Variants in RREB1 observed in about 807,000 individuals in gnomAD.
RREB1 encodes ras responsive element binding protein 1.
A neutral mutation model predicts 117.8 loss-of-function variants in RREB1; 27 were observed. The ratio of observed to expected loss-of-function variants is 0.23; its 90% CI spans 0.17 to 0.32. The LOEUF is 0.32. RREB1 is among the 10% of genes least tolerant of loss of function. The pLI is 1.00. For missense variants in RREB1, 2,577 were observed against 2,378.2 expected, an observed-to-expected ratio of 1.08 and a Z score of -1.74; for synonymous variants, 1,298 against 1,026.7, an observed-to-expected ratio of 1.26 and a Z score of -5.05.
chr6:7,108,548 A>G (rs1760950725), intron 1 of RREB1: 1 of 151,564 alleles, frequency 6.6e-6, no homozygotes, highest in Non-Finnish European at 1.5e-5. Flanking sequence ...GGCCAGAAAC[A>G]TCTTCCCAGC....
chr6:7,192,059 C>A (rs1261983031), intron 6 of RREB1, among the ~76,000 whole-genome samples: 1 of 89,028 alleles, frequency 1.1e-5, no homozygotes, highest in East Asian at 3.6e-4. Context: ...AAGTTTCTTT[C>A]TTTTCCTAGT....
At chr6:7,170,002 AAG>A (rs1395138034) in intron 1 of RREB1, among the ~76,000 whole-genome samples, 1 of 152,192 alleles carries the variant, frequency 6.6e-6, no homozygotes, top group Non-Finnish European at 1.5e-5. Flanking sequence ...TTTTTAAGAG[AAG>A]CTGCTTCCTG....
intron 1 of RREB1, among the ~76,000 whole-genome samples, chr6:7,169,647 G>A (rs572863500): frequency 2.1e-4 from 32 of 152,248 alleles, no homozygotes; most frequent in African/African-American, 7.5e-4. Context: ...TTAGATCCTG[G>A]CAGGAAGACA....
At chr6:7,212,444 G>A (rs978318819) in intron 8 of RREB1, 5 of 152,150 alleles carry the variant, frequency 3.3e-5, no homozygotes, top group Non-Finnish European at 7.3e-5. Flanking sequence ...TCAGGCAACC[G>A]TTAGTTCTGT....
rs778911018 is a variant in RREB1 at position 7,229,213 on chromosome 6, A to G, written c.1114A>G (p.Thr372Ala). 6 of 1,613,364 alleles carry G rather than the reference A, an allele frequency of 3.7e-6. No individual in the cohort carries two copies. The South Asian group carries it at 5.5e-5, about 15-fold the overall frequency. Reference protein sequence around the residue: ...GFLALLGLQHTKDVRPAPAEE... With the variant: ...GFLALLGLQHAKDVRPAPAEE... Reference sequence around the variant, plus strand: ...CCTGGCCTTGCTTGGCCTGCAGCACACCAAAGACGTCAGGCCTGCCCCCGC... The same window carrying G: ...CCTGGCCTTGCTTGGCCTGCAGCACGCCAAAGACGTCAGGCCTGCCCCCGC... The change falls in exon 10 of 13, where the codon ACC (threonine) becomes GCC (alanine). Residue 372 changes from threonine (T) to alanine (A), a missense_variant. Thr to Ala is a moderately conservative substitution (Grantham distance 58). Transcript: ENST00000379938. This position sits in a 1 kb window ranked among gnomAD's most constrained non-coding sequence, Gnocchi z 4.5.
At position 7,251,024 on chromosome 6, in the gene RREB1, T is replaced by C. The variant is rs1455573861; in HGVS notation, c.*2056T>C. ...ATTGTTGTTTTTGTTGTTATTATTA[T>C]TTGGGGTTTCTTGTGTTTTTTCTTT... On this transcript the variant is annotated 3_prime_UTR_variant, in exon 13 of 13. Transcript: ENST00000379938. The C allele has an allele frequency of 6.6e-6, 1 of 152,112 alleles. No individual in the cohort carries two copies. The highest frequency in any genetic ancestry group is 1.9e-4 in the East Asian group (1 of 5,200). The allele number at this position is 152,112 out of a possible 1,614,324, so 9.4% of individuals were successfully genotyped here.
intron 6 of RREB1, among the ~76,000 whole-genome samples, chr6:7,204,092 A>T (rs1439851926): frequency 1.3e-5 from 2 of 152,142 alleles, no homozygotes; most frequent in Non-Finnish European, 2.9e-5. Context: ...TGCCAGGCTG[A>T]CTTTAGATTT....
chr6:7,236,017 G>C (rs978781157), intron 10 of RREB1, among the ~76,000 whole-genome samples: 4 of 152,020 alleles, frequency 2.6e-5, no homozygotes, highest in African/African-American at 9.7e-5. Flanking sequence ...CTCCTCTCCA[G>C]CTCTCTCCCA....
chr6:7,229,356 C>T lies in RREB1; in HGVS notation c.1257C>T (p.Ser419=), dbSNP rs527505375. The stretch of plus-strand genomic sequence containing the variant: ...GCCTGTCACCTTTCGAAGCTGCTTC[C>T]CTAGGCGGTTCTCTCACAGTTCTCC... ...LLSLSPFEAA[S]LGGSLTVLPA... The change falls in exon 10 of 13, where the codon TCC becomes TCT. Residue 419 remains serine, a synonymous_variant. Coordinates refer to ENST00000379938, the MANE Select transcript of RREB1 (RefSeq NM_001003699.4). This position sits in a 1 kb window ranked among gnomAD's most constrained non-coding sequence, Gnocchi z 4.5. 11 of 1,614,178 alleles carry T rather than the reference C, an allele frequency of 6.8e-6. No individual in the cohort carries two copies. The African/African-American group carries it at 1.3e-4, about 20-fold the overall frequency.
chr6:7,220,072 C>T (rs1456753362), intron 8 of RREB1, among the ~76,000 whole-genome samples: 1 of 152,192 alleles, frequency 6.6e-6, no homozygotes, highest in African/African-American at 2.4e-5. Context: ...CCCTCCACCC[C>T]ATAATAGGAA....
At position 7,139,461 on chromosome 6, in the gene RREB1, T is replaced by C. The variant is rs572116961; in HGVS notation, c.-285+31401T>C. On this transcript the variant is annotated intron_variant, in intron 1 of 12. Transcript: ENST00000379938. ...ATGGTAAATGTTAAAATTAAAGATC[T>C]GGTTTGACTGAAGTTAACTTTACAT... 5.3e-5 allele frequency among the ~76,000 whole-genome samples: 8 copies of C among 152,354 alleles called. No individual in the cohort carries two copies. In the South Asian group the frequency reaches 1.7e-3, roughly 32 times the overall value.
At chr6:7,241,970 G>A (rs560708484) in intron 11 of RREB1, among the ~76,000 whole-genome samples, 1 of 152,350 alleles carries the variant, frequency 6.6e-6, no homozygotes, top group South Asian at 2.1e-4. Flanking sequence ...GCACACCAGT[G>A]CTGGCAGGCA....
chr6:7,155,676 C>T (rs1047660956), intron 1 of RREB1, among the ~76,000 whole-genome samples: 4 of 152,244 alleles, frequency 2.6e-5, no homozygotes, highest in Admixed American at 2.0e-4. Flanking sequence ...ATAGTTTCCT[C>T]CCCTTGCACT....
intron 1 of RREB1, among the ~76,000 whole-genome samples, chr6:7,127,062 A>G (rs866005987): frequency 1.6e-4 from 24 of 152,208 alleles, no homozygotes; most frequent in Admixed American, 8.5e-4. Flanking sequence ...GTATGAAAAT[A>G]TGAGGCTTAG....
rs1444809971 is a variant in RREB1 at position 7,251,687 on chromosome 6, TCTC to T, written c.*2723_*2725del. On this transcript the variant is annotated 3_prime_UTR_variant, in exon 13 of 13. Coordinates refer to ENST00000379938, the MANE Select transcript of RREB1 (RefSeq NM_001003699.4). ...TCTGACCCTCTGTTCGTCTCTTTCC[TCTC>T]CTCTTTCTTCAAGAAGGAAATTGAT... 6.6e-6 allele frequency: 1 copy of T among 152,124 alleles called. No homozygotes were observed. The highest frequency in any genetic ancestry group is 2.4e-5 in the African/African-American group (1 of 41,416). 9.4% of individuals were successfully genotyped at this position (152,124 alleles called of 1,614,324 possible). A position where few individuals can be genotyped will look rare whatever the true frequency, so the allele number is the denominator to read the frequency against.
rs139780593 is a variant in RREB1 at position 7,152,898 on chromosome 6, C to G, written c.-284-23757C>G. 1.6e-4 allele frequency among the ~76,000 whole-genome samples: 25 copies of G among 152,322 alleles called. No homozygotes were observed. In the East Asian group the frequency reaches 4.6e-3, roughly 28 times the overall value. ...TTGTCAATCCCACTAAAAGATAGCC[C>G]TCCAAAGAAGTGCTGCTTTGCTCTG... On this transcript the variant is annotated intron_variant, in intron 1 of 12. Coordinates refer to ENST00000379938, the MANE Select transcript of RREB1 (RefSeq NM_001003699.4).
intron 8 of RREB1, chr6:7,213,749 G>C (rs536102266): frequency 6.6e-6 from 1 of 152,284 alleles, no homozygotes; most frequent in Non-Finnish European, 1.5e-5. Flanking sequence ...TCCTGCTCAC[G>C]TTCCTACCCA....
At chr6:7,198,369 T>C (rs1765769802) in intron 6 of RREB1, among the ~76,000 whole-genome samples, 1 of 152,234 alleles carries the variant, frequency 6.6e-6, no homozygotes, top group Admixed American at 6.5e-5. Context: ...TGTGTGAATG[T>C]TTTGTTTCCC....
At chr6:7,186,912 A>G (rs1374358260) in intron 4 of RREB1, among the ~76,000 whole-genome samples, 1 of 152,168 alleles carries the variant, frequency 6.6e-6, no homozygotes, top group Non-Finnish European at 1.5e-5. Context: ...GGGCAGGGGC[A>G]TGCCCACTGG....
Sources: allele counts gnomAD v4.1 joint callset (sites outside exome capture counted in the v4.1 genomes callset), GRCh38; gene constraint gnomAD v4.1.1; non-coding constraint Gnocchi (gnomAD v3.1); transcripts MANE v1.5; gene names NCBI Gene and HGNC (gene_info 2026-07-23, HGNC 2026-07-21).